ERC1: variants seen among roughly 807,000 people sequenced by gnomAD.
ERC1 encodes the protein RAB6 interacting protein 2.
Under a neutral mutation model 132.0 loss-of-function variants are expected in ERC1, and 56 were observed. The observed-to-expected ratio is 0.42, with a 90% CI of 0.34 to 0.53. The LOEUF is 0.53. Among genes scored for constraint, ERC1 ranks in the 20% least tolerant of loss-of-function variants. The pLI is 0.03. For missense variants in ERC1, 1,202 were observed against 1,349.9 expected, an observed-to-expected ratio of 0.89 and a Z score of 1.72; for synonymous variants, 478 against 476.1, an observed-to-expected ratio of 1.00 and a Z score of -0.05.
At chr12:1,066,873 T>C (rs1191027153) in intron 2 of ERC1, among the ~76,000 whole-genome samples, 4 of 151,916 alleles carry the variant, frequency 2.6e-5, no homozygotes, top group African/African-American at 7.3e-5. Context: ...AAGGATCTTA[T>C]TACGAACTTA....
intron 12 of ERC1, among the ~76,000 whole-genome samples, chr12:1,191,116 G>A (rs765567824): frequency 1.3e-5 from 2 of 151,898 alleles, no homozygotes; most frequent in Non-Finnish European, 2.9e-5. Flanking sequence ...AAATAACACG[G>A]GCTGATTACC....
intron 8 of ERC1, among the ~76,000 whole-genome samples, chr12:1,151,467 G>A (rs912434660): frequency 2.0e-5 from 3 of 152,178 alleles, no homozygotes; most frequent in East Asian, 1.9e-4. Flanking sequence ...AAGACTCAAT[G>A]CAAGAAATCC....
rs1565396552 is a variant in ERC1 at position 1,418,660 on chromosome 12, TC to T, written c.3024+10414del. On this transcript the variant is annotated intron_variant, in intron 17 of 18. Coordinates refer to ENST00000360905, the MANE Select transcript of ERC1 (RefSeq NM_178040.4). ...CTTTCTTTCTCTCTCTCTCTCTCTC[TC>T]TTTCTTTTCTTTCTTTCTTTCTTTC... 4.0e-3 allele frequency among the ~76,000 whole-genome samples: 511 copies of T among 128,034 alleles called. 3 individuals are homozygous for T. The highest frequency in any genetic ancestry group is 0.011 in the Middle Eastern group (3 of 278). The allele number at this position is 128,034 out of a possible 152,430, so 84.0% of individuals were successfully genotyped here.
intron 15 of ERC1, among the ~76,000 whole-genome samples, chr12:1,326,175 T>A (rs1259538392): frequency 1.3e-5 from 2 of 152,304 alleles, no homozygotes; most frequent in East Asian, 3.9e-4. Context: ...AGAAAAATCC[T>A]CACCGTTTTA....
intron 7 of ERC1, among the ~76,000 whole-genome samples, chr12:1,121,661 C>CTCTATCTCTATCTCTA (rs1163723859): frequency 5.8e-5 from 1 of 17,294 alleles, no homozygotes; most frequent in African/African-American, 1.1e-4. Context: ...CTATCTCTAT[C>CTCTATCTCTATCTCTA]TCTATCTCTA....
intron 13 of ERC1, among the ~76,000 whole-genome samples, chr12:1,238,976 G>A (rs966090955): frequency 7.9e-5 from 12 of 152,182 alleles, no homozygotes; most frequent in African/African-American, 2.9e-4. Context: ...TGATGGCCAT[G>A]TGCAAATTAC....
intron 16 of ERC1, among the ~76,000 whole-genome samples, chr12:1,395,927 G>A (rs552884785): frequency 1.5e-4 from 21 of 143,414 alleles, no homozygotes; most frequent in Admixed American, 1.1e-3. Flanking sequence ...AAAACTACAT[G>A]GAGTCTTAAA....
intron 1 of ERC1, among the ~76,000 whole-genome samples, chr12:1,001,997 A>G (rs1962429983): frequency 6.6e-6 from 1 of 150,778 alleles, no homozygotes; most frequent in Non-Finnish European, 1.5e-5. Flanking sequence ...AGTAGCTGGG[A>G]TTACAGGTGC....
At chr12:1,136,366 T>C (rs1350612898) in intron 7 of ERC1, among the ~76,000 whole-genome samples, 3 of 152,238 alleles carry the variant, frequency 2.0e-5, no homozygotes, top group African/African-American at 7.2e-5. Context: ...TTTACATGCT[T>C]TGAGGTATCT....
intron 2 of ERC1, among the ~76,000 whole-genome samples, chr12:1,052,553 T>C (rs2154169544): frequency 6.6e-6 from 1 of 152,300 alleles, no homozygotes; most frequent in African/African-American, 2.4e-5. Flanking sequence ...GAGAAAATAG[T>C]GCTCCATTAA....
intron 15 of ERC1, among the ~76,000 whole-genome samples, chr12:1,333,356 T>G (rs1372799066): frequency 3.8e-5 from 5 of 131,556 alleles, no homozygotes; most frequent in Non-Finnish European, 7.9e-5. Context: ...TTTTTTGAGA[T>G]GGAGTCTCAC....
chr12:1,495,069 G>A lies in ERC1; in HGVS notation c.*4839G>A. 4.4e-6 allele frequency: 1 copy of A among 229,686 alleles called. No individual in the cohort carries two copies. The highest frequency in any genetic ancestry group is 6.2e-5 in the East Asian group (1 of 16,142). 14.2% of individuals were successfully genotyped at this position (229,686 alleles called of 1,614,324 possible). ...TACATGTTCAGGACCTCTGGGTAGA[G>A]GTTTCACAGTTTGTGACCCCATAAC... On this transcript the variant is annotated 3_prime_UTR_variant, in exon 19 of 19. Transcript: ENST00000360905.
chr12:1,339,876 CA>C (rs1220984751), intron 15 of ERC1, among the ~76,000 whole-genome samples: 1 of 152,140 alleles, frequency 6.6e-6, no homozygotes, highest in Non-Finnish European at 1.5e-5. Context: ...CTGTGCTCAC[CA>C]AGGCTCCAAC....
chr12:1,130,318 A>G (rs1277925032), intron 7 of ERC1, among the ~76,000 whole-genome samples: 1 of 152,178 alleles, frequency 6.6e-6, no homozygotes, highest in African/African-American at 2.4e-5. Context: ...GAAAGCTATA[A>G]GGAATTCTCC....
chr12:1,456,149 T>C (rs901531453), intron 18 of ERC1, among the ~76,000 whole-genome samples: 1 of 152,210 alleles, frequency 6.6e-6, no homozygotes, highest in Non-Finnish European at 1.5e-5. Flanking sequence ...CAATGGCTCA[T>C]GTAGTTATAA....
chr12:1,169,348 C>T (rs1435901012), intron 8 of ERC1, among the ~76,000 whole-genome samples: 2 of 152,216 alleles, frequency 1.3e-5, no homozygotes, highest in Non-Finnish European at 1.5e-5. Flanking sequence ...AGCCCCCTCC[C>T]ATGGACATCC....
At chr12:1,258,182 C>T (rs1180658027) in intron 13 of ERC1, among the ~76,000 whole-genome samples, 1 of 152,144 alleles carries the variant, frequency 6.6e-6, no homozygotes, top group Non-Finnish European at 1.5e-5. Flanking sequence ...CATTTAGTTC[C>T]AGTAAGTCAA....
chr12:1,212,664 G>T (rs900256925), intron 12 of ERC1, among the ~76,000 whole-genome samples: 2 of 152,142 alleles, frequency 1.3e-5, no homozygotes, highest in African/African-American at 4.8e-5. Context: ...AAGGAAAAGG[G>T]GGAAACAGGG....
chr12:1,458,724 G>A (rs1402235172), intron 18 of ERC1, among the ~76,000 whole-genome samples: 1 of 152,144 alleles, frequency 6.6e-6, no homozygotes, highest in South Asian at 2.1e-4. Flanking sequence ...TTTTAGTAGA[G>A]ACAGGGTTCC....
Sources: allele counts gnomAD v4.1 joint callset (sites outside exome capture counted in the v4.1 genomes callset), GRCh38; gene constraint gnomAD v4.1.1; transcripts MANE v1.5; gene names NCBI Gene and HGNC (gene_info 2026-07-23, HGNC 2026-07-21).